The following RPL35A variants were observed in gnomAD, a reference collection of about 807,000 sequenced individuals.
RPL35A encodes ribosomal protein L35a, also known as large ribosomal subunit protein eL33.
Under a neutral mutation model 16.7 loss-of-function variants are expected in RPL35A, and 1 was observed. The observed-to-expected ratio is 0.06, with a 90% CI of 0.02 to 0.28. RPL35A has a LOEUF of 0.28. RPL35A is among the 10% of genes least tolerant of loss of function. The probability of loss-of-function intolerance (pLI) is 1.00; values close to 1 mark genes in which losing one functional copy is unlikely to be tolerated. For missense variants in RPL35A, 91 were observed against 138.7 expected (o/e 0.66, Z 1.73); for synonymous variants, 58 against 47.0 (o/e 1.23, Z -0.96).
At chr3:197,953,763 AACTT>A (rs1720311686) in intron 3 of RPL35A, 2 of 584,344 alleles carry the variant, frequency 3.4e-6, no homozygotes, top group South Asian at 2.0e-5. Flanking sequence ...ATTTTCCTTA[AACTT>A]ACTTGGTTAT....
intron 3 of RPL35A, among the ~76,000 whole-genome samples, chr3:197,952,968 C>T (rs1424595257): frequency 6.6e-6 from 1 of 151,504 alleles, no homozygotes; most frequent in Admixed American, 6.6e-5. Flanking sequence ...ACCCGGCTAA[C>T]TTTTGTATTT....
intron 3 of RPL35A, among the ~76,000 whole-genome samples, chr3:197,952,888 A>G (rs1720231057): frequency 6.6e-6 from 1 of 151,194 alleles, no homozygotes; most frequent in Non-Finnish European, 1.5e-5. Context: ...GCTGGAGTGC[A>G]GTGGTGTGAT....
intron 1 of RPL35A, 195 bp from the exon 2 acceptor site, chr3:197,950,741 A>ATACC: frequency 1.7e-6 from 1 of 604,152 alleles, no homozygotes. Flanking sequence ...GTTTGCTTAG[A>ATACC]TACCAGCTGT....
rs1344117630 is a variant in RPL35A, at chr3:197,950,199, C to G, written c.-55C>G. Reference sequence around the variant, plus strand: ...GCGGCGGGGCCTCGTCCTTCTCTTACCGCCATCTTGGCTCCTGTGGAGGTG... The same window carrying G: ...GCGGCGGGGCCTCGTCCTTCTCTTAGCGCCATCTTGGCTCCTGTGGAGGTG... On this transcript the variant is annotated 5_prime_UTR_variant, in exon 1 of 5. Coordinates refer to ENST00000647248, the MANE Select transcript of RPL35A (RefSeq NM_000996.4). The G allele has an allele frequency of 1.2e-5, 15 of 1,231,534 alleles. No homozygotes were observed. Among genetic ancestry groups the G allele is most frequent in the Non-Finnish European group, 1.5e-5 (15 of 987,938 alleles). The allele number at this position is 1,231,534 out of a possible 1,614,324, so 76.3% of individuals were successfully genotyped here. A position where few individuals can be genotyped will look rare whatever the true frequency, so the allele number is the denominator to read the frequency against.
At chr3:197,952,029 A>G (rs977653009) in intron 3 of RPL35A, among the ~76,000 whole-genome samples, 3 of 152,204 alleles carry the variant, frequency 2.0e-5, no homozygotes, top group African/African-American at 7.2e-5. Flanking sequence ...CTTGTAAGCA[A>G]TAAAGGAGGT....
At chr3:197,952,159 T>TG (rs1410592292) in intron 3 of RPL35A, among the ~76,000 whole-genome samples, 31 of 144,292 alleles carry the variant, frequency 2.1e-4, no homozygotes, top group South Asian at 6.6e-4. Context: ...CTTAAAATTA[T>TG]GGGTTTTTTT....
At chr3:197,952,836 C>CTT (rs113975470) in intron 3 of RPL35A, among the ~76,000 whole-genome samples, 11 of 144,272 alleles carry the variant, frequency 7.6e-5, no homozygotes, top group African/African-American at 1.5e-4. Flanking sequence ...ATGCTGTAGA[C>CTT]TTTTTTTTTT....
rs1479445154 is a variant in RPL35A, at chr3:197,955,787, CAATA to C, written c.*22_*25del. 5 of 1,594,182 alleles carry C rather than the reference CAATA, an allele frequency of 3.1e-6. No individual in the cohort carries two copies. Among genetic ancestry groups the C allele is most frequent in the Middle Eastern group, 2.3e-4 (1 of 4,434 alleles). On this transcript the variant is annotated 3_prime_UTR_variant, in exon 5 of 5. Coordinates refer to ENST00000647248, the MANE Select transcript of RPL35A (RefSeq NM_000996.4). ...TCAAGGATTTAAACTAACGAAAAATCAATAAATAAATGTGGATTTGTGCTCTTGT... is the reference window on the plus strand; with the variant it reads ...TCAAGGATTTAAACTAACGAAAAATCAATAAATGTGGATTTGTGCTCTTGT...
rs564722971 is a variant in RPL35A, at chr3:197,950,221, G to A, written c.-33G>A. ...TTACCGCCATCTTGGCTCCTGTGGA[G>A]GTGAGTGAAGGGTCTGCTGCTGAAA... On this transcript the variant is annotated splice_region_variant and 5_prime_UTR_variant, in exon 1 of 5. Transcript: ENST00000647248. The A allele has an allele frequency of 2.2e-3, 2,652 of 1,231,352 alleles. 3 individuals carry two copies. The highest frequency in any genetic ancestry group is 2.9e-3 in the South Asian group (69 of 24,098). 76.3% of individuals were successfully genotyped at this position (1,231,352 alleles called of 1,614,324 possible). A position where few individuals can be genotyped will look rare whatever the true frequency, so the allele number is the denominator to read the frequency against.
chr3:197,951,387 T>C, intron 3 of RPL35A, 76 bp downstream of exon 3: 1 of 1,512,064 alleles, frequency 6.6e-7, no homozygotes, highest in South Asian at 1.1e-5. Context: ...GGAGTCTTGC[T>C]CTGTTGCCGA....
At chr3:197,950,323 C>G (rs1719947983) in intron 1 of RPL35A, 102 bp downstream of exon 1, 1 of 1,228,050 alleles carries the variant, frequency 8.1e-7, no homozygotes, top group African/African-American at 1.6e-5. Context: ...TCTCTGCCAG[C>G]CATTGATTTC....
chr3:197,952,836 CTTTT>C (rs113975470), intron 3 of RPL35A, among the ~76,000 whole-genome samples: 1 of 144,224 alleles, frequency 6.9e-6, no homozygotes, highest in East Asian at 2.0e-4. Flanking sequence ...ATGCTGTAGA[CTTTT>C]TTTTTTTTTT....
intron 4 of RPL35A, among the ~76,000 whole-genome samples, 198 bp from the exon 5 acceptor site, chr3:197,955,551 AG>A (rs1172637375): frequency 1.3e-5 from 2 of 152,148 alleles, no homozygotes; most frequent in African/African-American, 4.8e-5. Context: ...TGTGAGCCAC[AG>A]CACCTGGCCA....
chr3:197,954,202 T>A (rs1720351406), intron 4 of RPL35A, 55 bp downstream of exon 4: 2 of 1,592,508 alleles, frequency 1.3e-6, no homozygotes, highest in African/African-American at 2.7e-5. Context: ...AGGTTCAAGG[T>A]GTTGTGCTTT....
chr3:197,950,757 G>A (rs1719998595), intron 1 of RPL35A, 179 bp from the exon 2 acceptor site: 1 of 620,348 alleles, frequency 1.6e-6, no homozygotes, highest in Non-Finnish European at 2.8e-6. Context: ...GCTGTTCTCT[G>A]AGGTTTGAAT....
At chr3:197,952,174 T>TG (rs1453206131) in intron 3 of RPL35A, among the ~76,000 whole-genome samples, 10 of 136,756 alleles carry the variant, frequency 7.3e-5, no homozygotes, top group African/African-American at 2.4e-4. Context: ...TTTTTTTTTT[T>TG]TTTTTTTTTT....
rs768332638 is a variant in RPL35A, at chr3:197,955,621, A to G, written c.310-129A>G. The G allele has an allele frequency of 1.2e-5, 10 of 840,204 alleles. 1 individual carries two copies. The East Asian group carries it at 1.5e-4, about 12-fold the overall frequency. The allele number at this position is 840,204 out of a possible 1,614,324, so 52.0% of individuals were successfully genotyped here. On this transcript the variant is annotated intron_variant, in intron 4 of 4. Coordinates refer to ENST00000647248, the MANE Select transcript of RPL35A (RefSeq NM_000996.4). ...TATGTTCACGTAGAGACTGAAGGCT[A>G]TAAAAACTTTCCTTACCACTAGAAC...
At chr3:197,954,978 ACT>A (rs1302781836) in intron 4 of RPL35A, among the ~76,000 whole-genome samples, 1 of 151,916 alleles carries the variant, frequency 6.6e-6, no homozygotes, top group Non-Finnish European at 1.5e-5. Context: ...AAGAAAACAG[ACT>A]CTCATGTTCC....
At chr3:197,951,411 T>A in intron 3 of RPL35A, 100 bp downstream of exon 3, 1 of 1,307,676 alleles carries the variant, frequency 7.6e-7, no homozygotes, top group Non-Finnish European at 1.1e-6. Flanking sequence ...TGGAATGCAG[T>A]GACTTGGTCT....
Sources: allele counts gnomAD v4.1 joint callset (sites outside exome capture counted in the v4.1 genomes callset), GRCh38; gene constraint gnomAD v4.1.1; transcripts MANE v1.5; gene names NCBI Gene and HGNC (gene_info 2026-07-23, HGNC 2026-07-21).